SUFU: variants seen among roughly 807,000 people sequenced by gnomAD.
SUFU encodes the protein SUFU negative regulator of hedgehog signaling.
In SUFU, 7 loss-of-function variants were observed where a neutral mutation model predicts 58.9. That is an observed-to-expected ratio of 0.12 (90% CI 0.07 to 0.22). The LOEUF (loss-of-function observed/expected upper bound fraction) is 0.22, where lower values mean the gene tolerates loss of function less well. Ranked by LOEUF, SUFU falls within the 10% of genes least tolerant of loss-of-function variation. SUFU has a pLI of 1.00. For synonymous variants in SUFU, 232 were observed against 254.8 expected, an observed-to-expected ratio of 0.91 and a Z score of 0.85; for missense variants, 451 against 641.3, an observed-to-expected ratio of 0.70 and a Z score of 3.20.
intron 2 of SUFU, among the ~76,000 whole-genome samples, chr10:102,528,961 CT>C (rs33942579): frequency 0.037 from 4,856 of 131,102 alleles, 100 homozygotes; most frequent in African/African-American, 0.061. Context: ...TTTTTCCTTT[CT>C]TTTTTTTTTT....
chr10:102,605,668 G>C (rs760383759), intron 8 of SUFU, among the ~76,000 whole-genome samples: 1 of 152,024 alleles, frequency 6.6e-6, no homozygotes, highest in African/African-American at 2.4e-5. Context: ...CCTCTCCCTC[G>C]ATCCCACAGC....
chr10:102,562,464 A>G (rs1056308171), intron 3 of SUFU, among the ~76,000 whole-genome samples: 10 of 152,144 alleles, frequency 6.6e-5, no homozygotes, highest in African/African-American at 2.2e-4. Context: ...CAGAGGTTGC[A>G]GTGAGCCGAG....
chr10:102,511,377 C>T (rs939847134), intron 2 of SUFU, among the ~76,000 whole-genome samples: 1 of 151,930 alleles, frequency 6.6e-6, no homozygotes, highest in African/African-American at 2.4e-5. Context: ...GCCCCTTATA[C>T]CATGTCTTTT....
intron 3 of SUFU, among the ~76,000 whole-genome samples, chr10:102,580,040 G>A (rs201348768): frequency 6.3e-4 from 35 of 55,362 alleles, no homozygotes; most frequent in African/African-American, 1.6e-3. Flanking sequence ...CCCCCCCCCC[G>A]CCCCCAGTTT....
At chr10:102,506,845 A>G (rs748689611) in intron 1 of SUFU, among the ~76,000 whole-genome samples, 22 of 152,194 alleles carry the variant, frequency 1.4e-4, no homozygotes, top group Non-Finnish European at 2.5e-4. Context: ...TCATTTTGCA[A>G]TAGCAGTGTG....
rs113583636 is a variant in SUFU, at chr10:102,577,682, G to GT, written c.455-14884dup. On this transcript the variant is annotated intron_variant, in intron 3 of 11. Transcript: ENST00000369902. ...TGAAATGTATATAGGACTACGAGTTGTTTTTTTTTTTTTTTTGAGACGTAG... is the reference window on the plus strand; with the variant it reads ...TGAAATGTATATAGGACTACGAGTTGTTTTTTTTTTTTTTTTTGAGACGTAG... 2.1e-3 allele frequency among the ~76,000 whole-genome samples: 276 copies of GT among 132,058 alleles called. 2 individuals are homozygous for GT. Among genetic ancestry groups the GT allele is most frequent in the South Asian group, 2.5e-3 (10 of 3,966 alleles). The allele number at this position is 132,058 out of a possible 152,430, so 86.6% of individuals were successfully genotyped here.
Position 102,630,107 on chromosome 10 carries a change from G to A in SUFU, c.1407G>A (p.Leu469=), listed in dbSNP as rs1590094962. The A allele has an allele frequency of 6.2e-7, 1 of 1,614,210 alleles. No individual in the cohort carries two copies. Among genetic ancestry groups the A allele is most frequent in the Non-Finnish European group, 8.5e-7 (1 of 1,180,034 alleles). The change falls in exon 12 of 12, where the codon CTG becomes CTA. Residue 469 remains leucine (L), a synonymous_variant. Coordinates refer to ENST00000369902, the MANE Select transcript of SUFU (RefSeq NM_016169.4). ...AGTACAGCTGGCCTGAAAAGAAGCT[G>A]AAGGTCTCCATCCTGCCTGACGTGG... is the stretch of plus-strand genomic sequence containing the variant. ...PKEYSWPEKK[L]KVSILPDVVF... is the part of the protein sequence containing the mutation.
intron 3 of SUFU, among the ~76,000 whole-genome samples, chr10:102,570,849 T>G (rs905742936): frequency 2.0e-5 from 3 of 152,246 alleles, no homozygotes; most frequent in African/African-American, 7.2e-5. Flanking sequence ...TGGATCCTTC[T>G]GTCTTCATTT....
At chr10:102,630,010 C>G in intron 11 of SUFU, 56 bp from the exon 12 acceptor site, 1 of 1,521,980 alleles carries the variant, frequency 6.6e-7, no homozygotes, top group Non-Finnish European at 9.1e-7. Context: ...CTGGAAAGAC[C>G]ACGGTGTATT....
chr10:102,527,297 C>A (rs566262567), intron 2 of SUFU, among the ~76,000 whole-genome samples: 2 of 151,922 alleles, frequency 1.3e-5, no homozygotes, highest in Admixed American at 6.6e-5. Flanking sequence ...CCACCGCGCC[C>A]GGCCGACATT....
intron 8 of SUFU, among the ~76,000 whole-genome samples, chr10:102,607,266 C>G (rs1355299564): frequency 3.9e-5 from 6 of 151,960 alleles, no homozygotes; most frequent in Non-Finnish European, 5.9e-5. Context: ...CCCAGGCTGG[C>G]CTTGAACTCC....
intron 7 of SUFU, among the ~76,000 whole-genome samples, chr10:102,597,986 C>G (rs1295840476): frequency 6.6e-6 from 1 of 152,234 alleles, no homozygotes; most frequent in Non-Finnish European, 1.5e-5. Flanking sequence ...CATGTGTTGA[C>G]AGCTTCTTTG....
chr10:102,626,756 C>T (rs187629567), intron 10 of SUFU, among the ~76,000 whole-genome samples: 15 of 152,250 alleles, frequency 9.9e-5, no homozygotes, highest in South Asian at 2.1e-4. Flanking sequence ...TGTCCTTCTA[C>T]GGTGAGGGGC....
At chr10:102,623,229 T>C (rs1284957652) in intron 10 of SUFU, among the ~76,000 whole-genome samples, 2 of 152,196 alleles carry the variant, frequency 1.3e-5, no homozygotes, top group Non-Finnish European at 2.9e-5. Flanking sequence ...CAAATATCAG[T>C]GAGTGCTGTT....
At chr10:102,559,274 C>A (rs1280926682) in intron 3 of SUFU, among the ~76,000 whole-genome samples, 1 of 152,158 alleles carries the variant, frequency 6.6e-6, no homozygotes, top group Non-Finnish European at 1.5e-5. Flanking sequence ...TGGGAATGGG[C>A]CTGGCTCGCA....
chr10:102,627,927 C>T (rs920435462), intron 11 of SUFU, among the ~76,000 whole-genome samples: 1 of 152,218 alleles, frequency 6.6e-6, no homozygotes, highest in African/African-American at 2.4e-5. Flanking sequence ...ATCCCTTCCC[C>T]TCCCCCGCTC....
At chr10:102,590,882 G>A (rs1018381963) in intron 3 of SUFU, 6 of 152,270 alleles carry the variant, frequency 3.9e-5, no homozygotes, top group African/African-American at 1.2e-4. Context: ...GGCCTAGCAG[G>A]AATTTGGAAA....
At position 102,566,714 on chromosome 10, in the gene SUFU, G is replaced by A. The variant is rs1394672441; in HGVS notation, c.454+16608G>A. ...TGGGAGGCGGAGGTTGCAGTGAGCC[G>A]AGATTATGCCATTGCACTCCAGCCC... On this transcript the variant is annotated intron_variant, in intron 3 of 11. Transcript: ENST00000369902. Among the ~76,000 whole-genome samples the A allele has an allele frequency of 1.1e-4, 16 of 149,018 alleles. No individual in the cohort carries two copies. In the Admixed American group the frequency reaches 1.1e-3, roughly 10 times the overall value.
Position 102,503,975 on chromosome 10 carries a change from C to A in SUFU, c.-178C>A. On this transcript the variant is annotated 5_prime_UTR_variant, in exon 1 of 12. Coordinates refer to ENST00000369902, the MANE Select transcript of SUFU (RefSeq NM_016169.4). Reference sequence around the variant, plus strand: ...CCGCCCCGAGGCACCCTCTGGCAGACTCGGCGGCGGCGACAGCCTGGGCGG... The same window carrying A: ...CCGCCCCGAGGCACCCTCTGGCAGAATCGGCGGCGGCGACAGCCTGGGCGG... 2.2e-6 allele frequency: 2 copies of A among 910,678 alleles called. No homozygotes were observed. The highest frequency in any genetic ancestry group is 3.1e-6 in the Non-Finnish European group (2 of 655,412). 56.4% of individuals were successfully genotyped at this position (910,678 alleles called of 1,614,324 possible).
Sources: gnomAD v4.1 joint callset for allele counts (sites outside exome capture counted in the v4.1 genomes callset) on GRCh38, gnomAD v4.1.1 for gene constraint, MANE v1.5 for transcripts, NCBI Gene and HGNC (gene_info 2026-07-23, HGNC 2026-07-21) for gene names.